Variants in BAALC observed in about 807,000 individuals in gnomAD.
BAALC encodes BAALC binder of MAP3K1 and KLF4, also known as brain and acute leukemia cytoplasmic protein.
Under a neutral mutation model 15.5 loss-of-function variants are expected in BAALC, and 9 were observed. The observed-to-expected ratio is 0.58, with a 90% confidence interval of 0.35 to 1.02. The LOEUF (loss-of-function observed/expected upper bound fraction) is 1.02, where lower values mean the gene tolerates loss of function less well. Ranked by LOEUF, BAALC falls within the 50% of genes least tolerant of loss-of-function variation. The pLI is 0.02. For missense variants in BAALC, 201 were observed against 192.4 expected (o/e 1.04, Z -0.27); for synonymous variants, 80 against 74.6 (o/e 1.07, Z -0.37).
chr8:103,154,340 T>C (rs1208773737), intron 1 of BAALC, among the ~76,000 whole-genome samples: 1 of 152,108 alleles, frequency 6.6e-6, no homozygotes, highest in Admixed American at 6.5e-5. Flanking sequence ...TGGTCTTTCC[T>C]GTACACCAGC....
chr8:103,202,509 T>G (rs1812239898), intron 1 of BAALC, among the ~76,000 whole-genome samples: 4 of 152,382 alleles, frequency 2.6e-5, no homozygotes, highest in Admixed American at 1.3e-4. Context: ...GCCATCAGTC[T>G]GTGGTACTTT....
chr8:103,164,418 C>G (rs957406197), intron 1 of BAALC, among the ~76,000 whole-genome samples: 1 of 152,188 alleles, frequency 6.6e-6, no homozygotes, highest in Non-Finnish European at 1.5e-5. Flanking sequence ...CTCTAAACCT[C>G]TCGTTTACTT....
rs192073017 is a variant in BAALC at position 103,157,833 on chromosome 8, G to T, written c.160+16776G>T. On this transcript the variant is annotated intron_variant, in intron 1 of 2. Transcript: ENST00000309982. ...AAAGAAAATTTTTAAAAAGTAAAAAGATATTGGATTGGACTATATTAAATT... is the reference window on the plus strand; with the variant it reads ...AAAGAAAATTTTTAAAAAGTAAAAATATATTGGATTGGACTATATTAAATT... Among the ~76,000 whole-genome samples, 543 of 152,168 alleles carry T rather than the reference G, an allele frequency of 3.6e-3. 6 individuals are homozygous for T. The highest frequency in any genetic ancestry group is 0.012 in the African/African-American group (517 of 41,506).
chr8:103,155,180 A>G (rs1258586872), intron 1 of BAALC, among the ~76,000 whole-genome samples: 1 of 152,218 alleles, frequency 6.6e-6, no homozygotes, highest in Non-Finnish European at 1.5e-5. Context: ...GATTGGACCA[A>G]AAAGATATTA....
chr8:103,221,582 A>T (rs1051302489), intron 2 of BAALC, among the ~76,000 whole-genome samples: 99 of 152,290 alleles, frequency 6.5e-4, no homozygotes, highest in African/African-American at 2.3e-3. Context: ...ATCAGAGGGG[A>T]AAATACGTTG....
intron 1 of BAALC, among the ~76,000 whole-genome samples, chr8:103,169,932 G>GTATC (rs1349686913): frequency 1.3e-5 from 2 of 152,276 alleles, no homozygotes; most frequent in South Asian, 2.1e-4. Flanking sequence ...CCTTCCAAAG[G>GTATC]TATCTAGTGG....
rs556136869 is a variant in BAALC, at chr8:103,218,044, A to G, written c.327+4959A>G. Among the ~76,000 whole-genome samples the G allele has an allele frequency of 4.7e-4, 71 of 152,344 alleles. 1 individual carries two copies. In the South Asian group the frequency reaches 0.014, roughly 31 times the overall value. ...ACTAGTCAGGGGTAGCAGCTACTCT[A>G]TTTAATGCAGATGCCACCTCACGTT... On this transcript the variant is annotated intron_variant, in intron 2 of 2. Coordinates refer to ENST00000309982, the MANE Select transcript of BAALC (RefSeq NM_024812.3).
chr8:103,169,511 T>G (rs1811429368), intron 1 of BAALC, among the ~76,000 whole-genome samples: 1 of 152,222 alleles, frequency 6.6e-6, no homozygotes, highest in Admixed American at 6.5e-5. Context: ...GCTCCATTTA[T>G]GACGTTGGGG....
chr8:103,159,882 C>T (rs1300397686), intron 1 of BAALC, among the ~76,000 whole-genome samples: 2 of 152,170 alleles, frequency 1.3e-5, no homozygotes, highest in Non-Finnish European at 2.9e-5. Context: ...GCCTGGGCAC[C>T]TAGGCTGCTT....
rs1218646898 is a variant in BAALC at position 103,228,597 on chromosome 8, CTA to C, written c.*499_*500del. On this transcript the variant is annotated 3_prime_UTR_variant, in exon 3 of 3. Transcript: ENST00000309982. The stretch of plus-strand genomic sequence containing the variant: ...CTTAAAAGCTGGCTTTCATCCAACT[CTA>C]AACCCACATATTGAAAAAATCAAGG... The C allele has an allele frequency of 6.5e-6, 1 of 153,006 alleles. No individual in the cohort carries two copies. Among genetic ancestry groups the C allele is most frequent in the African/African-American group, 2.4e-5 (1 of 41,470 alleles). 9.5% of individuals were successfully genotyped at this position (153,006 alleles called of 1,614,324 possible).
intron 1 of BAALC, among the ~76,000 whole-genome samples, chr8:103,191,912 G>A (rs571032473): frequency 4.6e-5 from 7 of 152,200 alleles, no homozygotes; most frequent in South Asian, 4.2e-4. Flanking sequence ...GTCAATTGCC[G>A]CATTTCAGAA....
At chr8:103,174,276 A>AAAAAAAT (rs1811560430) in intron 1 of BAALC, among the ~76,000 whole-genome samples, 1 of 151,260 alleles carries the variant, frequency 6.6e-6, no homozygotes, top group African/African-American at 2.4e-5. Context: ...AAAAAAAAAA[A>AAAAAAAT]GTGCCAGTCT....
intron 1 of BAALC, among the ~76,000 whole-genome samples, chr8:103,149,599 TG>T (rs112836307): frequency 9.9e-5 from 15 of 152,082 alleles, no homozygotes; most frequent in African/African-American, 2.7e-4. Context: ...AAGTTCCGGA[TG>T]GGGGGATGGG....
At chr8:103,201,072 G>T (rs531525282) in intron 1 of BAALC, among the ~76,000 whole-genome samples, 1 of 152,184 alleles carries the variant, frequency 6.6e-6, no homozygotes, top group African/African-American at 2.4e-5. Flanking sequence ...CATCTCCAGG[G>T]CGTTTTAAAA....
intron 1 of BAALC, among the ~76,000 whole-genome samples, chr8:103,194,098 C>T (rs1812037632): frequency 6.6e-6 from 1 of 151,988 alleles, no homozygotes; most frequent in Non-Finnish European, 1.5e-5. Context: ...AATCCTCTTA[C>T]TCTCAGACTT....
chr8:103,171,119 A>AAGAG (rs920754597), intron 1 of BAALC, among the ~76,000 whole-genome samples: 1 of 151,394 alleles, frequency 6.6e-6, no homozygotes, highest in South Asian at 2.1e-4. Flanking sequence ...GAAAGGAAAA[A>AAGAG]AGAGAGAGAG....
chr8:103,198,133 A>G (rs917692258), intron 1 of BAALC: 5 of 702,128 alleles, frequency 7.1e-6, no homozygotes, highest in Non-Finnish European at 1.3e-5. Flanking sequence ...TGACTGCCCT[A>G]CAGAAAGTTG....
At chr8:103,227,123 T>C (rs920671770) in intron 2 of BAALC, among the ~76,000 whole-genome samples, 1 of 152,186 alleles carries the variant, frequency 6.6e-6, no homozygotes, top group African/African-American at 2.4e-5. Flanking sequence ...AAACCTCTGA[T>C]AGGAAGCATA....
intron 1 of BAALC, among the ~76,000 whole-genome samples, chr8:103,166,957 T>G (rs964105875): frequency 6.6e-6 from 1 of 152,192 alleles, no homozygotes; most frequent in Non-Finnish European, 1.5e-5. Flanking sequence ...AATGATTGGT[T>G]TGTAACACAA....
Sources: gnomAD v4.1 joint callset for allele counts (sites outside exome capture counted in the v4.1 genomes callset) on GRCh38, gnomAD v4.1.1 for gene constraint, MANE v1.5 for transcripts, NCBI Gene and HGNC (gene_info 2026-07-23, HGNC 2026-07-21) for gene names.